PITPNM3: variants seen among roughly 807,000 people sequenced by gnomAD.
PITPNM3 encodes membrane-associated phosphatidylinositol transfer protein 3.
A neutral mutation model predicts 102.0 loss-of-function variants in PITPNM3; 26 were observed. The observed-to-expected ratio is 0.25, with a 90% confidence interval of 0.19 to 0.35. The LOEUF (loss-of-function observed/expected upper bound fraction) is 0.35. Among genes scored for constraint, PITPNM3 ranks in the 10% least tolerant of loss-of-function variants. PITPNM3 has a pLI of 1.00. For missense variants in PITPNM3, 1,083 were observed against 1,346.1 expected (o/e 0.80, Z 3.06); for synonymous variants, 578 against 558.6 (o/e 1.03, Z -0.49).
At chr17:6,504,719 T>A (rs1248188238) in intron 3 of PITPNM3, among the ~76,000 whole-genome samples, 1 of 152,224 alleles carries the variant, frequency 6.6e-6, no homozygotes, top group African/African-American at 2.4e-5. Flanking sequence ...GACACTGCAT[T>A]ATAATTGGAT....
rs1367844893 is a variant in PITPNM3 at position 6,472,389 on chromosome 17, A to G, written c.1429+268T>C. On this transcript the variant is annotated intron_variant, in intron 11 of 19. Transcript: ENST00000262483. This position sits in a 1 kb window ranked among gnomAD's most constrained non-coding sequence, Gnocchi z 4.1. ...TGGAGCACGGATCCCTGGACCCGCC[A>G]TCAGCTCTGAAAGCTCAAGTTTACA... Among the ~76,000 whole-genome samples, 2 of 152,190 alleles carry G rather than the reference A, an allele frequency of 1.3e-5. No homozygotes were observed. Among genetic ancestry groups the G allele is most frequent in the African/African-American group, 4.8e-5 (2 of 41,444 alleles).
chr17:6,483,464 A>G (rs1905867720), intron 6 of PITPNM3, 53 bp downstream of exon 6: 3 of 1,532,578 alleles, frequency 2.0e-6, no homozygotes, highest in Non-Finnish European at 2.7e-6. Flanking sequence ...GAGCCCCTCC[A>G]CTTAGTTCCC....
intron 1 of PITPNM3, among the ~76,000 whole-genome samples, chr17:6,539,138 C>G (rs1035796397): frequency 6.6e-6 from 1 of 152,160 alleles, no homozygotes; most frequent in Non-Finnish European, 1.5e-5. Flanking sequence ...ATCAAAAGGA[C>G]AGAGGGTACA....
intron 3 of PITPNM3, among the ~76,000 whole-genome samples, chr17:6,524,501 T>C (rs1436303803): frequency 1.3e-5 from 2 of 152,178 alleles, no homozygotes; most frequent in South Asian, 2.1e-4. Flanking sequence ...CAGTTTCCCA[T>C]ATGTGAGCTC....
At chr17:6,526,941 A>C (rs1402564705) in intron 2 of PITPNM3, among the ~76,000 whole-genome samples, 1 of 152,200 alleles carries the variant, frequency 6.6e-6, no homozygotes, top group African/African-American at 2.4e-5. Flanking sequence ...GCCAGGCACC[A>C]CACACATTCG....
chr17:6,455,279 C>G lies in PITPNM3; in HGVS notation c.*59G>C, dbSNP rs1008177878. 2 of 1,511,872 alleles carry G rather than the reference C, an allele frequency of 1.3e-6. No individual in the cohort carries two copies. Among genetic ancestry groups the G allele is most frequent in the Non-Finnish European group, 1.8e-6 (2 of 1,131,390 alleles). 93.7% of individuals were successfully genotyped at this position (1,511,872 alleles called of 1,614,324 possible). A position where few individuals can be genotyped will look rare whatever the true frequency, so the allele number is the denominator to read the frequency against. The stretch of plus-strand genomic sequence containing the variant: ...TGTCGGGGAGAGGGCAGCCCCCTCC[C>G]GTCCCCGCAGGCAGCCTGATTGGGC... On this transcript the variant is annotated 3_prime_UTR_variant, in exon 20 of 20. Transcript: ENST00000262483.
intron 3 of PITPNM3, among the ~76,000 whole-genome samples, chr17:6,508,187 GAA>G (rs1391584325): frequency 6.6e-6 from 1 of 152,214 alleles, no homozygotes; most frequent in Non-Finnish European, 1.5e-5. Context: ...ACGTGGGTAA[GAA>G]GAGGGAAAAT....
intron 4 of PITPNM3, among the ~76,000 whole-genome samples, chr17:6,485,714 C>A (rs1278627606): frequency 3.3e-5 from 5 of 152,226 alleles, no homozygotes; most frequent in Non-Finnish European, 5.9e-5. Context: ...TCTCCTTGCT[C>A]CTCTCAGCAG....
At chr17:6,504,095 C>T (rs899896669) in intron 3 of PITPNM3, among the ~76,000 whole-genome samples, 1 of 152,190 alleles carries the variant, frequency 6.6e-6, no homozygotes, top group African/African-American at 2.4e-5. Context: ...TGCGGCCCCT[C>T]CCAAAATGTG....
chr17:6,529,792 G>T (rs1023200360), intron 2 of PITPNM3, among the ~76,000 whole-genome samples: 1 of 152,148 alleles, frequency 6.6e-6, no homozygotes, highest in Non-Finnish European at 1.5e-5. Flanking sequence ...ACCTTGCACT[G>T]CCTACCACAT....
At chr17:6,462,093 C>A (rs1305144547) in intron 17 of PITPNM3, among the ~76,000 whole-genome samples, 1 of 152,198 alleles carries the variant, frequency 6.6e-6, no homozygotes. Context: ...CCTCCCCAAC[C>A]TCCCACGGTT....
intron 4 of PITPNM3, among the ~76,000 whole-genome samples, chr17:6,494,753 G>T (rs949318603): frequency 6.6e-6 from 1 of 152,196 alleles, no homozygotes; most frequent in Non-Finnish European, 1.5e-5. Flanking sequence ...ATTTGGCAAT[G>T]TCATTCAACA....
intron 1 of PITPNM3, among the ~76,000 whole-genome samples, chr17:6,544,654 T>TCTCACA (rs376230474): frequency 0.048 from 6,269 of 130,214 alleles, 509 homozygotes; most frequent in African/African-American, 0.18. Flanking sequence ...TCTCTCTCTC[T>TCTCACA]CACACACACA....
At chr17:6,494,470 A>T (rs1906680769) in intron 4 of PITPNM3, among the ~76,000 whole-genome samples, 1 of 152,022 alleles carries the variant, frequency 6.6e-6, no homozygotes, top group South Asian at 2.1e-4. Context: ...GCAGTGGCAC[A>T]CTCCAGCCCA....
chr17:6,485,264 T>C (rs1191987828), intron 4 of PITPNM3, among the ~76,000 whole-genome samples: 1 of 151,824 alleles, frequency 6.6e-6, no homozygotes, highest in Admixed American at 6.6e-5. Context: ...GTTCAAGTGA[T>C]TCTCCTGCCT....
At chr17:6,544,976 A>T (rs1324260919) in intron 1 of PITPNM3, among the ~76,000 whole-genome samples, 1 of 152,096 alleles carries the variant, frequency 6.6e-6, no homozygotes, top group Non-Finnish European at 1.5e-5. Context: ...TGCTTCCTAC[A>T]GCCTGGCCGA....
chr17:6,479,047 A>G, intron 6 of PITPNM3: 1 of 374,236 alleles, frequency 2.7e-6, no homozygotes, highest in East Asian at 4.4e-5. Flanking sequence ...CCCCAATCAT[A>G]GAGGAAGAAG....
At chr17:6,494,676 G>A (rs550971466) in intron 4 of PITPNM3, among the ~76,000 whole-genome samples, 42 of 152,336 alleles carry the variant, frequency 2.8e-4, no homozygotes, top group Admixed American at 3.3e-4. Context: ...GGGCCAGGGT[G>A]TGGAAAAACG....
rs2150709029 is a variant in PITPNM3, at chr17:6,452,087, A to G, written c.*3251T>C. 6.6e-6 allele frequency: 1 copy of G among 152,364 alleles called. No homozygotes were observed. Among genetic ancestry groups the G allele is most frequent in the African/African-American group, 2.4e-5 (1 of 41,578 alleles). The allele number at this position is 152,364 out of a possible 1,614,324, so 9.4% of individuals were successfully genotyped here. A position where few individuals can be genotyped will look rare whatever the true frequency, so the allele number is the denominator to read the frequency against. On this transcript the variant is annotated 3_prime_UTR_variant, in exon 20 of 20. Transcript: ENST00000262483. Reference sequence around the variant, plus strand: ...CGTGAGATCCAGCCTCGCCTCTTCTAGACAGCCCACCGCCAGGAATCTCTG... The same window carrying G: ...CGTGAGATCCAGCCTCGCCTCTTCTGGACAGCCCACCGCCAGGAATCTCTG...
Sources: gnomAD v4.1 joint callset for allele counts (sites outside exome capture counted in the v4.1 genomes callset) on GRCh38, gnomAD v4.1.1 for gene constraint, Gnocchi (gnomAD v3.1) non-coding constraint, MANE v1.5 for transcripts, NCBI Gene and HGNC (gene_info 2026-07-23, HGNC 2026-07-21) for gene names.